The following CA10 variants were observed in gnomAD, a reference collection of about 807,000 sequenced individuals.
CA10 encodes the protein carbonic anhydrase-related protein 10.
A neutral mutation model predicts 44.2 loss-of-function variants in CA10; 14 were observed. The ratio of observed to expected loss-of-function variants is 0.32; its 90% CI spans 0.21 to 0.50. The LOEUF (loss-of-function observed/expected upper bound fraction) is 0.50, where lower values mean the gene tolerates loss of function less well. Ranked by LOEUF, CA10 falls within the 20% of genes least tolerant of loss-of-function variation. The pLI is 0.99. For missense variants in CA10, 350 were observed against 409.7 expected (o/e 0.85, Z 1.26); for synonymous variants, 159 against 141.6 (o/e 1.12, Z -0.87).
At chr17:51,745,739 C>T (rs778318226) in intron 4 of CA10, among the ~76,000 whole-genome samples, 30 of 152,158 alleles carry the variant, frequency 2.0e-4, no homozygotes, top group Non-Finnish European at 4.0e-4. Context: ...TAGTAAACAT[C>T]TACATTTTAT....
intron 4 of CA10, among the ~76,000 whole-genome samples, chr17:51,701,973 A>T (rs755133618): frequency 6.6e-6 from 1 of 152,148 alleles, no homozygotes; most frequent in African/African-American, 2.4e-5. Context: ...CCTTACCCAG[A>T]TGTCACAAAT....
intron 2 of CA10, among the ~76,000 whole-genome samples, chr17:51,959,277 T>TCA (rs762697541): frequency 1.5e-5 from 2 of 133,108 alleles, no homozygotes; most frequent in African/African-American, 5.8e-5. Flanking sequence ...TCTCGCTCTC[T>TCA]CTCTCTGTGT....
chr17:51,849,443 A>G (rs1978692376), intron 3 of CA10, among the ~76,000 whole-genome samples: 1 of 151,746 alleles, frequency 6.6e-6, no homozygotes, highest in Non-Finnish European at 1.5e-5. Flanking sequence ...ATGCCCACCT[A>G]GAACCCCTTT....
At chr17:51,994,711 CTT>C (rs1985167751) in intron 2 of CA10, among the ~76,000 whole-genome samples, 2 of 152,034 alleles carry the variant, frequency 1.3e-5, no homozygotes, top group African/African-American at 4.8e-5. Flanking sequence ...AGTAAATACT[CTT>C]GTCAGCTTGC....
chr17:51,773,482 G>T (rs1038326318), intron 3 of CA10, among the ~76,000 whole-genome samples: 2 of 152,212 alleles, frequency 1.3e-5, no homozygotes, highest in African/African-American at 4.8e-5. Flanking sequence ...GCCTGGTGGA[G>T]AAGTTGCTAG....
chr17:52,072,929 G>A lies in CA10; in HGVS notation c.62-536C>T, dbSNP rs539578533. On this transcript the variant is annotated intron_variant, in intron 1 of 8. Coordinates refer to ENST00000451037, the MANE Select transcript of CA10 (RefSeq NM_020178.5). ...GTGGTGGAGGTTTTTGACATCACAG[G>A]CAAAAAGGGCAGAGGGCTCAAGATA... Among the ~76,000 whole-genome samples the A allele has an allele frequency of 2.0e-5, 3 of 152,172 alleles. No individual in the cohort carries two copies. The South Asian group carries it at 6.2e-4, about 32-fold the overall frequency.
chr17:51,918,676 C>G (rs755053913), intron 3 of CA10, among the ~76,000 whole-genome samples: 2 of 152,134 alleles, frequency 1.3e-5, no homozygotes, highest in African/African-American at 2.4e-5. Flanking sequence ...TTCAGAACAT[C>G]AGGTGGGCAA....
At chr17:52,048,553 A>G (rs779894197) in intron 2 of CA10, among the ~76,000 whole-genome samples, 12 of 152,050 alleles carry the variant, frequency 7.9e-5, no homozygotes, top group Non-Finnish European at 1.8e-4. Flanking sequence ...GATCATTTTC[A>G]GCTGAAACAT....
chr17:51,898,395 TA>T (rs1159536179), intron 3 of CA10, among the ~76,000 whole-genome samples: 2 of 152,174 alleles, frequency 1.3e-5, no homozygotes, highest in East Asian at 3.8e-4. Context: ...ATCCCAGGGG[TA>T]AAACCTACTT....
intron 3 of CA10, among the ~76,000 whole-genome samples, chr17:51,900,726 C>A (rs549943874): frequency 6.6e-6 from 1 of 151,832 alleles, no homozygotes; most frequent in African/African-American, 2.4e-5. Flanking sequence ...TCATTTTTTT[C>A]TTTATTTTTG....
chr17:51,684,746 C>T (rs1001689453), intron 4 of CA10, among the ~76,000 whole-genome samples: 6 of 152,194 alleles, frequency 3.9e-5, no homozygotes, highest in Non-Finnish European at 2.9e-5. Flanking sequence ...CCACCTGGCC[C>T]AGAGTTGGTG....
chr17:51,765,354 A>G (rs1905333974), intron 3 of CA10, among the ~76,000 whole-genome samples: 1 of 152,186 alleles, frequency 6.6e-6, no homozygotes, highest in Non-Finnish European at 1.5e-5. Context: ...TAATGAGCCC[A>G]ATATGTCAAT....
intron 4 of CA10, among the ~76,000 whole-genome samples, chr17:51,717,809 A>G (rs57085810): frequency 3.7e-4 from 18 of 48,994 alleles, no homozygotes; most frequent in African/African-American, 1.1e-3. Flanking sequence ...GTATATATAT[A>G]CACGTATATA....
intron 2 of CA10, among the ~76,000 whole-genome samples, chr17:52,042,280 T>C (rs1243763887): frequency 6.6e-6 from 1 of 152,090 alleles, no homozygotes; most frequent in Non-Finnish European, 1.5e-5. Flanking sequence ...TTTTTCATAA[T>C]AGCCATCCTA....
intron 4 of CA10, among the ~76,000 whole-genome samples, chr17:51,684,177 T>C: frequency 6.6e-6 from 1 of 152,020 alleles, no homozygotes; most frequent in Non-Finnish European, 1.5e-5. Flanking sequence ...GGACCAGAGA[T>C]TGGAGTGTGA....
At chr17:52,025,455 T>A (rs1243592031) in intron 2 of CA10, among the ~76,000 whole-genome samples, 1 of 147,422 alleles carries the variant, frequency 6.8e-6, no homozygotes, top group Non-Finnish European at 1.5e-5. Context: ...CAGCACATAC[T>A]TCAGAAGAGA....
chr17:51,955,353 A>G (rs961727886), intron 2 of CA10, among the ~76,000 whole-genome samples: 16 of 152,014 alleles, frequency 1.1e-4, no homozygotes, highest in African/African-American at 3.6e-4. Flanking sequence ...GGTTATTTCC[A>G]CATTGTAAAG....
chr17:51,712,846 T>C (rs1214061971), intron 4 of CA10, among the ~76,000 whole-genome samples: 1 of 152,228 alleles, frequency 6.6e-6, no homozygotes, highest in African/African-American at 2.4e-5. Flanking sequence ...TTTTGGGGGT[T>C]TGCCAAAAAC....
intron 3 of CA10, among the ~76,000 whole-genome samples, chr17:51,914,350 G>A (rs172107): frequency 0.68 from 103,010 of 151,988 alleles, 35,255 homozygotes; most frequent in Non-Finnish European, 0.71. Context: ...CTGACTCTAT[G>A]GCTGCCAGAA....
Sources: gnomAD v4.1 joint callset for allele counts (sites outside exome capture counted in the v4.1 genomes callset) on GRCh38, gnomAD v4.1.1 for gene constraint, MANE v1.5 for transcripts, NCBI Gene and HGNC (gene_info 2026-07-23, HGNC 2026-07-21) for gene names.